The following GRM7 variants were observed in gnomAD, a reference collection of about 807,000 sequenced individuals.
The protein encoded by GRM7 is metabotropic glutamate receptor 7.
Under a neutral mutation model 84.5 loss-of-function variants are expected in GRM7, and 35 were observed. The observed-to-expected ratio is 0.41, with a 90% CI of 0.32 to 0.55. The LOEUF is 0.55. GRM7 is among the 20% of genes least tolerant of loss of function. GRM7 has a pLI of 0.19. For synonymous variants in GRM7, 487 were observed against 455.1 expected (o/e 1.07, Z -0.89); for missense variants, 1,003 against 1,194.6 (o/e 0.84, Z 2.36).
At chr3:7,726,518 T>C (rs975495500) in intron 9 of GRM7, among the ~76,000 whole-genome samples, 6 of 149,308 alleles carry the variant, frequency 4.0e-5, no homozygotes, top group Non-Finnish European at 7.4e-5. Context: ...TTGAAAAGTT[T>C]AAAACTTACG....
intron 2 of GRM7, among the ~76,000 whole-genome samples, chr3:7,190,855 C>T (rs1057175379): frequency 1.3e-5 from 2 of 152,090 alleles, no homozygotes; most frequent in Non-Finnish European, 2.9e-5. Context: ...ACAAGGCAGG[C>T]ATCAGATAAA....
At chr3:6,870,802 G>A (rs1192025318) in intron 1 of GRM7, among the ~76,000 whole-genome samples, 2 of 152,078 alleles carry the variant, frequency 1.3e-5, no homozygotes, top group Non-Finnish European at 2.9e-5. Context: ...CAAGATTTTG[G>A]GCCTGGGCAA....
chr3:7,409,670 G>A (rs900932069), intron 4 of GRM7, among the ~76,000 whole-genome samples: 9 of 152,074 alleles, frequency 5.9e-5, no homozygotes, highest in African/African-American at 1.9e-4. Flanking sequence ...GCGGGATCTT[G>A]GCTCACTGCA....
intron 4 of GRM7, among the ~76,000 whole-genome samples, chr3:7,365,388 C>A (rs1277204799): frequency 6.6e-6 from 1 of 151,634 alleles, no homozygotes; most frequent in Non-Finnish European, 1.5e-5. Context: ...CATCTCCATG[C>A]CTAGTTACAT....
chr3:7,496,060 G>T (rs568181139), intron 7 of GRM7, among the ~76,000 whole-genome samples: 1 of 152,050 alleles, frequency 6.6e-6, no homozygotes, highest in Admixed American at 6.6e-5. Context: ...CTCATCCTGC[G>T]TCCCTCTTAT....
At chr3:7,619,749 A>G (rs1377212489) in intron 8 of GRM7, among the ~76,000 whole-genome samples, 1 of 152,078 alleles carries the variant, frequency 6.6e-6, no homozygotes, top group African/African-American at 2.4e-5. Context: ...AATGGAATGC[A>G]TATCTGATAA....
chr3:7,533,224 A>G (rs1294762410), intron 7 of GRM7, among the ~76,000 whole-genome samples: 2 of 152,186 alleles, frequency 1.3e-5, no homozygotes, highest in Non-Finnish European at 2.9e-5. Context: ...CATTTATTCT[A>G]AAGCTGACCA....
At chr3:7,699,999 A>T (rs1701167682) in intron 9 of GRM7, among the ~76,000 whole-genome samples, 2 of 152,088 alleles carry the variant, frequency 1.3e-5, no homozygotes, top group South Asian at 4.1e-4. Context: ...TTATTTCAAG[A>T]CTGGGTGAGA....
At chr3:7,606,021 C>G (rs1251413908) in intron 8 of GRM7, among the ~76,000 whole-genome samples, 1 of 152,168 alleles carries the variant, frequency 6.6e-6, no homozygotes, top group Non-Finnish European at 1.5e-5. Flanking sequence ...TTGCCTGTAT[C>G]ATCAGACAAA....
chr3:7,291,910 C>A (rs1347145517), intron 2 of GRM7, among the ~76,000 whole-genome samples: 2 of 152,090 alleles, frequency 1.3e-5, no homozygotes, highest in African/African-American at 2.4e-5. Flanking sequence ...GGCAGTTCCC[C>A]CATACTGTTC....
At chr3:6,914,570 T>A (rs2125022157) in intron 1 of GRM7, among the ~76,000 whole-genome samples, 1 of 151,944 alleles carries the variant, frequency 6.6e-6, no homozygotes, top group East Asian at 1.9e-4. Context: ...GCCTGGCTAA[T>A]TTTTGTATTT....
intron 1 of GRM7, among the ~76,000 whole-genome samples, chr3:7,134,935 C>G (rs568985072): frequency 1.3e-3 from 197 of 150,144 alleles, no homozygotes; most frequent in African/African-American, 4.5e-3. Context: ...ATATAACTTG[C>G]GATCCACACA....
rs1244550828 is a variant in GRM7, at chr3:7,188,685, A to C, written c.736+42017A>C. Among the ~76,000 whole-genome samples the C allele has an allele frequency of 3.9e-5, 6 of 152,170 alleles. No individual in the cohort carries two copies. The highest frequency in any genetic ancestry group is 8.8e-5 in the Non-Finnish European group (6 of 68,026). ...GATCTCTCAGTTTCAACAGTGTAGC[A>C]GAGGAGTTTATTTCTCATTCCTGTA... On this transcript the variant is annotated intron_variant, in intron 2 of 9. Coordinates refer to ENST00000357716, the MANE Select transcript of GRM7 (RefSeq NM_000844.4). This position sits in a 1 kb window ranked among gnomAD's most constrained non-coding sequence, Gnocchi z 4.2.
intron 8 of GRM7, among the ~76,000 whole-genome samples, chr3:7,587,529 G>A (rs1028679934): frequency 6.6e-6 from 1 of 152,286 alleles, no homozygotes; most frequent in East Asian, 1.9e-4. Flanking sequence ...CTGGAGAGAC[G>A]GGTAGAGGCA....
chr3:7,627,328 A>C (rs1167315527), intron 8 of GRM7, among the ~76,000 whole-genome samples: 1 of 152,276 alleles, frequency 6.6e-6, no homozygotes, highest in East Asian at 1.9e-4. Context: ...TGGAGTACAA[A>C]TTAGCACTCT....
intron 1 of GRM7, among the ~76,000 whole-genome samples, chr3:6,970,776 G>A (rs919030101): frequency 1.3e-5 from 2 of 152,116 alleles, no homozygotes; most frequent in Non-Finnish European, 2.9e-5. Context: ...TCAGGAGATC[G>A]AGACCATCCT....
chr3:7,255,638 A>G (rs923978027), intron 2 of GRM7, among the ~76,000 whole-genome samples: 6 of 152,208 alleles, frequency 3.9e-5, no homozygotes, highest in Admixed American at 1.3e-4. Flanking sequence ...TGTGTAAACC[A>G]TGTTCCTATT....
At chr3:7,453,572 G>C (rs573666813) in intron 6 of GRM7, among the ~76,000 whole-genome samples, 1 of 152,050 alleles carries the variant, frequency 6.6e-6, no homozygotes, top group South Asian at 2.1e-4. Flanking sequence ...GAGATCCTAG[G>C]GCAAAGTCTG....
chr3:7,153,828 AC>A (rs1553624205), intron 2 of GRM7, among the ~76,000 whole-genome samples: 3 of 149,580 alleles, frequency 2.0e-5, no homozygotes, highest in Admixed American at 6.6e-5. Flanking sequence ...ACAAAAAAAA[AC>A]CCCTCTGTTT....
Sources: allele counts gnomAD v4.1 joint callset (sites outside exome capture counted in the v4.1 genomes callset), GRCh38; gene constraint gnomAD v4.1.1; non-coding constraint Gnocchi (gnomAD v3.1); transcripts MANE v1.5; gene names NCBI Gene and HGNC (gene_info 2026-07-23, HGNC 2026-07-21).